The following ATP2C1 variants were observed in gnomAD, a reference collection of about 807,000 sequenced individuals.
The protein encoded by ATP2C1 is ATPase secretory pathway Ca2+ transporting 1.
ATP2C1 carries 31 observed loss-of-function variants against 120.5 expected under a neutral mutation model. That is an observed-to-expected ratio of 0.26 (90% CI 0.19 to 0.35). The LOEUF (loss-of-function observed/expected upper bound fraction) is 0.35. Among genes scored for constraint, ATP2C1 ranks in the 10% least tolerant of loss-of-function variants. The pLI is 1.00. For missense variants in ATP2C1, 731 were observed against 1,107.5 expected (o/e 0.66, Z 4.83); for synonymous variants, 351 against 358.7 (o/e 0.98, Z 0.24).
chr3:130,870,663 G>C (rs1171542144), intron 1 of ATP2C1, among the ~76,000 whole-genome samples: 1 of 152,166 alleles, frequency 6.6e-6, no homozygotes, highest in Non-Finnish European at 1.5e-5. Context: ...GAACAGATGA[G>C]GAATTGCTTC....
At chr3:130,954,084 T>A (rs2108550962) in intron 9 of ATP2C1, 108 bp downstream of exon 9, 1 of 1,220,078 alleles carries the variant, frequency 8.2e-7, no homozygotes, top group Non-Finnish European at 1.2e-6. Flanking sequence ...TGACAAAGGA[T>A]AAAATTGAAC....
At chr3:130,926,238 T>C (rs1406417665) in intron 2 of ATP2C1, among the ~76,000 whole-genome samples, 1 of 152,174 alleles carries the variant, frequency 6.6e-6, no homozygotes, top group African/African-American at 2.4e-5. Context: ...TCTGTCAGAA[T>C]GGGAGATACA....
intron 11 of ATP2C1, 90 bp downstream of exon 11, chr3:130,956,269 T>A: frequency 1.4e-6 from 1 of 721,470 alleles, no homozygotes; most frequent in Admixed American, 2.8e-5. Context: ...ATTTATTGGC[T>A]TTTCTTTTTT....
chr3:130,892,594 C>T (rs374990978), upstream of ATP2C1, among the ~76,000 whole-genome samples: 1 of 150,294 alleles, frequency 6.7e-6, no homozygotes, highest in South Asian at 2.1e-4. Context: ...AGTCTAGTAC[C>T]ACTTACTTGG....
At chr3:130,939,745 G>A (rs2108434664) in intron 6 of ATP2C1, among the ~76,000 whole-genome samples, 1 of 152,278 alleles carries the variant, frequency 6.6e-6, no homozygotes, top group Non-Finnish European at 1.5e-5. Context: ...ATTAAGTAGA[G>A]ACTGATTGTG....
chr3:130,966,418 C>CA (rs1261580530), intron 14 of ATP2C1, among the ~76,000 whole-genome samples: 1 of 151,958 alleles, frequency 6.6e-6, no homozygotes, highest in Non-Finnish European at 1.5e-5. Context: ...TGTCATTAAA[C>CA]ATTTTTTATT....
chr3:130,952,398 A>G (rs191189820), intron 8 of ATP2C1, among the ~76,000 whole-genome samples: 19 of 152,284 alleles, frequency 1.2e-4, no homozygotes, highest in Admixed American at 1.1e-3. Flanking sequence ...TCTGTGAACC[A>G]ATTTTTAATA....
At chr3:130,861,411 T>G (rs2068009192) in intron 1 of ATP2C1, among the ~76,000 whole-genome samples, 1 of 152,116 alleles carries the variant, frequency 6.6e-6, no homozygotes, top group African/African-American at 2.4e-5. Context: ...TTATTCAGAG[T>G]CAGAAGGCGT....
At position 130,969,401 on chromosome 3, in the gene ATP2C1, C is replaced by G. The variant is rs1285943179; in HGVS notation, c.1413+5C>G. On this transcript the variant is annotated splice_donor_5th_base_variant and intron_variant, in intron 17 of 27. Transcript: ENST00000510168. ...TGTGTACACCGAACACAGCAGGTAT[C>G]CATCTGTTTAAAGAATACTTATTTC... 3 of 1,607,354 alleles carry G rather than the reference C, an allele frequency of 1.9e-6. No individual in the cohort carries two copies. The Admixed American group carries it at 5.0e-5, about 27-fold the overall frequency.
chr3:131,006,702 T>G (rs1420727658), downstream of ATP2C1, among the ~76,000 whole-genome samples: 1 of 151,346 alleles, frequency 6.6e-6, no homozygotes, highest in Non-Finnish European at 1.5e-5. Flanking sequence ...TTTTTTTTTT[T>G]GGCAGGGTGT....
intron 2 of ATP2C1, among the ~76,000 whole-genome samples, chr3:130,924,338 G>GT (rs1360921072): frequency 1.3e-5 from 2 of 152,102 alleles, no homozygotes; most frequent in Non-Finnish European, 2.9e-5. Flanking sequence ...ATGAAGCTTA[G>GT]TTTTGCTGGA....
At chr3:130,974,493 G>A (rs1037123210) in intron 17 of ATP2C1, among the ~76,000 whole-genome samples, 9 of 152,236 alleles carry the variant, frequency 5.9e-5, no homozygotes, top group African/African-American at 1.2e-4. Flanking sequence ...ATACCTGACC[G>A]TTGTGGAGTG....
At chr3:130,998,857 A>G (rs2062754131) in intron 26 of ATP2C1, among the ~76,000 whole-genome samples, 1 of 152,124 alleles carries the variant, frequency 6.6e-6, no homozygotes, top group Non-Finnish European at 1.5e-5. Context: ...GTTGTATCTT[A>G]AGGTGTGACT....
chr3:130,931,778 C>T (rs1450094523), intron 3 of ATP2C1, among the ~76,000 whole-genome samples: 2 of 151,932 alleles, frequency 1.3e-5, no homozygotes, highest in Non-Finnish European at 2.9e-5. Context: ...TAATCACCAC[C>T]ACCATTAAGA....
At chr3:130,916,736 T>G (rs2058708477) in intron 2 of ATP2C1, among the ~76,000 whole-genome samples, 1 of 152,172 alleles carries the variant, frequency 6.6e-6, no homozygotes, top group African/African-American at 2.4e-5. Flanking sequence ...CCTTTTTCTT[T>G]TTTTATTCAG....
In ATP2C1 at chr3:131,002,905, G is replaced by A. The variant is rs1295290610; in HGVS notation, c.*1555G>A. On this transcript the variant is annotated 3_prime_UTR_variant, in exon 28 of 28. Transcript: ENST00000510168. ...AAGGCTGAATTGTCAAATGTACATT[G>A]TTCCATGTCGTTAGATGGAACATGG... 2.0e-6 allele frequency: 2 copies of A among 985,754 alleles called. No individual in the cohort carries two copies. Among genetic ancestry groups the A allele is most frequent in the South Asian group, 9.4e-5 (2 of 21,282 alleles). 61.1% of individuals were successfully genotyped at this position (985,754 alleles called of 1,614,324 possible). A position where few individuals can be genotyped will look rare whatever the true frequency, so the allele number is the denominator to read the frequency against.
chr3:130,923,635 A>G (rs895282279), intron 2 of ATP2C1, among the ~76,000 whole-genome samples: 1 of 151,994 alleles, frequency 6.6e-6, no homozygotes, highest in African/African-American at 2.4e-5. Context: ...TGGGAGGCAT[A>G]GGTGGGTGGA....
chr3:130,957,271 A>G (rs988941682), intron 11 of ATP2C1, among the ~76,000 whole-genome samples: 3 of 152,176 alleles, frequency 2.0e-5, no homozygotes, highest in Non-Finnish European at 4.4e-5. Context: ...CCTCATGTTT[A>G]TAAGAACATT....
chr3:131,016,349 G>C, exon 27 of ATP2C1: 2 of 1,613,964 alleles, frequency 1.2e-6, no homozygotes, highest in Non-Finnish European at 1.7e-6. Flanking sequence ...CCTAAATAAA[G>C]AAACAGCCCA....
Sources: gnomAD v4.1 joint callset for allele counts (sites outside exome capture counted in the v4.1 genomes callset) on GRCh38, gnomAD v4.1.1 for gene constraint, MANE v1.5 for transcripts, NCBI Gene and HGNC (gene_info 2026-07-23, HGNC 2026-07-21) for gene names.